NCAPD2: variants seen among roughly 807,000 people sequenced by gnomAD.
The protein encoded by NCAPD2 is non-SMC condensin I complex subunit D2, also known as condensin complex subunit 1.
NCAPD2 carries 100 observed loss-of-function variants against 164.5 expected under a neutral mutation model. The observed-to-expected ratio is 0.61, with a 90% CI of 0.52 to 0.72. The LOEUF (loss-of-function observed/expected upper bound fraction) is 0.72. Among genes scored for constraint, NCAPD2 ranks in the 30% least tolerant of loss-of-function variants. NCAPD2 has a pLI of 0.00. For synonymous variants in NCAPD2, 585 were observed against 642.6 expected (o/e 0.91, Z 1.36); for missense variants, 1,560 against 1,749.2 (o/e 0.89, Z 1.93).
At chr12:6,520,225 CATAA>C (rs1404877745) in intron 13 of NCAPD2, among the ~76,000 whole-genome samples, 15 of 150,934 alleles carry the variant, frequency 9.9e-5, no homozygotes, top group African/African-American at 3.7e-4. Flanking sequence ...TATATTTATA[CATAA>C]ATAGTTTCCC....
At position 6,523,331 on chromosome 12, in the gene NCAPD2, G is replaced by T. The variant is rs1349711983; in HGVS notation, c.2199G>T (p.Gln733His). The change falls in exon 17 of 32, where the codon CAG becomes CAT. Residue 733 changes from glutamine (Q) to histidine (H), a missense_variant. Coordinates refer to ENST00000315579, the MANE Select transcript of NCAPD2 (RefSeq NM_014865.4). ...LLVDASVGTI[Q>H]CLEEILCEFV... ...TGGATGCCTCGGTTGGGACCATTCA[G>T]TGTCTTGAGGAAATTGTAAGGCTTC... 2 of 1,612,680 alleles carry T rather than the reference G, an allele frequency of 1.2e-6. No homozygotes were observed. The highest frequency in any genetic ancestry group is 8.5e-7 in the Non-Finnish European group (1 of 1,179,138).
At position 6,526,340 on chromosome 12, in the gene NCAPD2, G is replaced by A. The variant is rs746535565; in HGVS notation, c.2535G>A (p.Leu845=). The change falls in exon 20 of 32, where the codon TTG becomes TTA. Residue 845 remains leucine (L), a synonymous_variant. Coordinates refer to ENST00000315579, the MANE Select transcript of NCAPD2 (RefSeq NM_014865.4). ...TCCGGCTGCCTCAGGAACACAGGTT[G>A]TTTGAGCGACTGCGGGAGACAGTCA... The part of the protein sequence containing the change: ...PPFRLPQEHR[L]FERLRETVTK... 1.9e-6 allele frequency: 3 copies of A among 1,614,156 alleles called. No individual in the cohort carries two copies. Among genetic ancestry groups the A allele is most frequent in the Non-Finnish European group, 2.5e-6 (3 of 1,180,016 alleles).
chr12:6,517,512 G>C lies in NCAPD2; in HGVS notation c.1320+13G>C, dbSNP rs1482220991. ...TTTCTCCTGCAAGGTAAGTAGACTTGGTCCACCAAAAGAGAAGGAATTAAA... is the reference window on the plus strand; with the variant it reads ...TTTCTCCTGCAAGGTAAGTAGACTTCGTCCACCAAAAGAGAAGGAATTAAA... On this transcript the variant is annotated intron_variant, in intron 11 of 31. Transcript: ENST00000315579. 6 of 1,613,986 alleles carry C rather than the reference G, an allele frequency of 3.7e-6. No individual in the cohort carries two copies. The African/African-American group carries it at 8.0e-5, about 22-fold the overall frequency.
intron 29 of NCAPD2, among the ~76,000 whole-genome samples, chr12:6,530,187 T>G (rs1031468004): frequency 2.6e-5 from 4 of 152,274 alleles, no homozygotes; most frequent in African/African-American, 9.6e-5. Context: ...CTTGTTTGTT[T>G]GTTTTTAATA....
In NCAPD2 at chr12:6,527,077, C is replaced by T. The variant is rs778386054; in HGVS notation, c.2907+14C>T. The T allele has an allele frequency of 6.3e-7, 1 of 1,594,354 alleles. No homozygotes were observed. Among genetic ancestry groups the T allele is most frequent in the Non-Finnish European group, 8.6e-7 (1 of 1,167,972 alleles). ...CCCAAGGAGAAGGTGTGTGAATGTC[C>T]TCAGCACTTCCCAGATTTATTTCAT... On this transcript the variant is annotated intron_variant, in intron 22 of 31. Transcript: ENST00000315579.
In NCAPD2 at chr12:6,521,910, G is replaced by A; in HGVS notation, c.1827G>A (p.Arg609=). The A allele has an allele frequency of 6.2e-7, 1 of 1,614,094 alleles. No homozygotes were observed. Among genetic ancestry groups the A allele is most frequent in the Non-Finnish European group, 8.5e-7 (1 of 1,180,014 alleles). The stretch of plus-strand genomic sequence containing the variant: ...ATATGTCGGATCCTGAGGAATCCAG[G>A]GGAAATGATGAACTAGTGAAGCAGG... ...KPNMSDPEES[R]GNDELVKQEM... is the part of the protein sequence containing the mutation. The change falls in exon 15 of 32, where the codon AGG becomes AGA. Residue 609 remains arginine (R), a synonymous_variant. Transcript: ENST00000315579.
chr12:6,509,318 A>G (rs538909366), intron 2 of NCAPD2, among the ~76,000 whole-genome samples: 3 of 152,154 alleles, frequency 2.0e-5, no homozygotes, highest in Non-Finnish European at 2.9e-5. Flanking sequence ...CTGGAGTGCA[A>G]TGGCACGATC....
intron 14 of NCAPD2, 22 bp downstream of exon 14, chr12:6,521,132 T>G: frequency 6.2e-7 from 1 of 1,612,488 alleles, no homozygotes; most frequent in Non-Finnish European, 8.5e-7. Flanking sequence ...CCTTCTTCAG[T>G]CAATAAATAA....
At chr12:6,516,147 G>C (rs1946197192) in intron 9 of NCAPD2, among the ~76,000 whole-genome samples, 1 of 150,944 alleles carries the variant, frequency 6.6e-6, no homozygotes. Context: ...AGTGAGCCGA[G>C]ATCGCACCAC....
At position 6,495,245 on chromosome 12, in the gene NCAPD2, A is replaced by G; in HGVS notation, c.127+20A>G. 1 of 1,613,532 alleles carries G rather than the reference A, an allele frequency of 6.2e-7. No individual in the cohort carries two copies. The highest frequency in any genetic ancestry group is 8.5e-7 in the Non-Finnish European group (1 of 1,179,584). ...TTAGAGGTAAGAGTCCATAGCTGTC[A>G]CTGTACCTAGCTCTTTCAAAGGACC... is the stretch of plus-strand genomic sequence containing the variant. On this transcript the variant is annotated intron_variant, in intron 2 of 31. Coordinates refer to ENST00000315579, the MANE Select transcript of NCAPD2 (RefSeq NM_014865.4).
chr12:6,506,479 A>G (rs915613458), intron 2 of NCAPD2, among the ~76,000 whole-genome samples: 3 of 151,616 alleles, frequency 2.0e-5, no homozygotes, highest in Admixed American at 1.3e-4. Context: ...AGTCCCAGCT[A>G]CTCGGGAGGC....
At chr12:6,498,348 T>G (rs937047888) in intron 2 of NCAPD2, among the ~76,000 whole-genome samples, 3 of 152,242 alleles carry the variant, frequency 2.0e-5, no homozygotes, top group Admixed American at 6.5e-5. Flanking sequence ...GTGCCAGACA[T>G]TGTTCTAAGC....
intron 2 of NCAPD2, among the ~76,000 whole-genome samples, chr12:6,500,756 G>T (rs1475540423): frequency 6.6e-6 from 1 of 152,182 alleles, no homozygotes; most frequent in Non-Finnish European, 1.5e-5. Context: ...TTGAACTTCA[G>T]TGTGAATGAA....
At chr12:6,510,339 T>C in intron 4 of NCAPD2, 2 of 787,550 alleles carry the variant, frequency 2.5e-6, no homozygotes, top group East Asian at 4.9e-5. Flanking sequence ...GTGTTCACTG[T>C]AAGGGCAGAC....
intron 9 of NCAPD2, among the ~76,000 whole-genome samples, chr12:6,516,502 A>G (rs561828378): frequency 6.6e-6 from 1 of 152,330 alleles, no homozygotes; most frequent in Admixed American, 6.5e-5. Flanking sequence ...ACTCCGTCTC[A>G]AAAACAAACA....
chr12:6,505,721 C>T (rs989693651), intron 2 of NCAPD2, among the ~76,000 whole-genome samples: 6 of 151,840 alleles, frequency 4.0e-5, no homozygotes, highest in Non-Finnish European at 5.9e-5. Flanking sequence ...AAAAATTAGC[C>T]GGGTGTGGTG....
At chr12:6,503,007 G>GA (rs1946052116) in intron 2 of NCAPD2, among the ~76,000 whole-genome samples, 1 of 105,708 alleles carries the variant, frequency 9.5e-6, no homozygotes, top group African/African-American at 4.2e-5. Flanking sequence ...ACCACACCTG[G>GA]CTTTTTTTTT....
chr12:6,511,071 C>T (rs1318109232), intron 5 of NCAPD2, 39 bp from the exon 6 acceptor site: 5 of 1,602,066 alleles, frequency 3.1e-6, no homozygotes, highest in South Asian at 2.3e-5. Context: ...CCACTTTTTT[C>T]CCTTATTTTT....
chr12:6,503,991 T>C (rs1267715120), intron 2 of NCAPD2, among the ~76,000 whole-genome samples: 2 of 151,438 alleles, frequency 1.3e-5, no homozygotes, highest in East Asian at 3.9e-4. Context: ...AATATGTATA[T>C]ATATTTGTGA....
Sources: gnomAD v4.1 joint callset for allele counts (sites outside exome capture counted in the v4.1 genomes callset) on GRCh38, gnomAD v4.1.1 for gene constraint, MANE v1.5 for transcripts, NCBI Gene and HGNC (gene_info 2026-07-23, HGNC 2026-07-21) for gene names.